The following PTPRN2 variants were observed in gnomAD, a reference collection of about 807,000 sequenced individuals.
The protein encoded by PTPRN2 is protein tyrosine phosphatase receptor type N2.
In PTPRN2, 74 loss-of-function variants were observed where a neutral mutation model predicts 118.8. The observed-to-expected ratio is 0.62, with a 90% confidence interval of 0.52 to 0.76. The LOEUF is 0.76. PTPRN2 is among the 30% of genes least tolerant of loss of function. The probability of loss-of-function intolerance (pLI) is 0.00; values close to 1 mark genes in which losing one functional copy is unlikely to be tolerated. For missense variants in PTPRN2, 1,481 were observed against 1,394.4 expected (o/e 1.06, Z -0.99); for synonymous variants, 641 against 608.0 (o/e 1.05, Z -0.80).
intron 12 of PTPRN2, among the ~76,000 whole-genome samples, chr7:157,695,383 A>G (rs558697950): frequency 1.3e-5 from 2 of 152,120 alleles, no homozygotes; most frequent in African/African-American, 4.8e-5. Context: ...TAAGACAGTA[A>G]TTTATAATTT....
chr7:158,561,326 C>T (rs996045311), intron 1 of PTPRN2, among the ~76,000 whole-genome samples: 9 of 152,056 alleles, frequency 5.9e-5, no homozygotes, highest in East Asian at 3.9e-4. Flanking sequence ...AAGAGATAAA[C>T]CCCTGCCTGA....
chr7:158,349,924 A>C lies in PTPRN2; in HGVS notation c.164-32992T>G, dbSNP rs1807801578. Among the ~76,000 whole-genome samples, 4 of 152,086 alleles carry C rather than the reference A, an allele frequency of 2.6e-5. No individual in the cohort carries two copies. The South Asian group carries it at 6.2e-4, about 24-fold the overall frequency. ...GGGCCCCCCGGGCCACATGAGGCCC[A>C]CCCCCTTCCTGATGTCCAAGAACAA... On this transcript the variant is annotated intron_variant, in intron 2 of 22. Coordinates refer to ENST00000389418, the MANE Select transcript of PTPRN2 (RefSeq NM_002847.5).
intron 12 of PTPRN2, among the ~76,000 whole-genome samples, chr7:157,720,617 T>C (rs538072695): frequency 9.8e-5 from 15 of 152,372 alleles, no homozygotes; most frequent in Non-Finnish European, 2.9e-5. Context: ...ACGTGAATCA[T>C]GTGGCTTCCA....
intron 2 of PTPRN2, among the ~76,000 whole-genome samples, chr7:158,437,421 G>A (rs1816645979): frequency 6.6e-6 from 1 of 152,216 alleles, no homozygotes; most frequent in Admixed American, 6.5e-5. Flanking sequence ...GTTGTCATCT[G>A]TTTTTGTGTC....
rs144370539 is a variant in PTPRN2, at chr7:158,214,397, TACACACACACACAC to T, written c.278-9138_278-9125del. 8.8e-3 allele frequency among the ~76,000 whole-genome samples: 1,287 copies of T among 145,864 alleles called. 14 individuals carry two copies. Among genetic ancestry groups the T allele is most frequent in the African/African-American group, 0.031 (1,217 of 39,420 alleles). On this transcript the variant is annotated intron_variant, in intron 3 of 22. Coordinates refer to ENST00000389418, the MANE Select transcript of PTPRN2 (RefSeq NM_002847.5). Reference sequence around the variant, plus strand: ...GCCGCAATCCGGAAACACCAGCGTGTACACACACACACACACACACACACACACACACACAACTA... The same window carrying T: ...GCCGCAATCCGGAAACACCAGCGTGTACACACACACACACACACACAACTA...
intron 2 of PTPRN2, among the ~76,000 whole-genome samples, chr7:158,413,592 G>C (rs541306515): frequency 6.6e-6 from 1 of 152,230 alleles, no homozygotes; most frequent in African/African-American, 2.4e-5. Flanking sequence ...AGGCCTGAAC[G>C]GGAAAGCCCC....
chr7:157,731,996 C>T (rs112562523), intron 12 of PTPRN2, among the ~76,000 whole-genome samples: 1 of 82,594 alleles, frequency 1.2e-5, no homozygotes, highest in African/African-American at 4.9e-5. Flanking sequence ...GCACAGTTAC[C>T]CTTTCCCGTC....
chr7:157,959,153 G>C (rs762935624), intron 11 of PTPRN2, among the ~76,000 whole-genome samples: 4 of 152,200 alleles, frequency 2.6e-5, no homozygotes, highest in Admixed American at 1.3e-4. Flanking sequence ...TCAACAAATG[G>C]TTCTCAGACA....
chr7:158,154,333 T>C (rs1001447244), intron 6 of PTPRN2, among the ~76,000 whole-genome samples: 1 of 152,274 alleles, frequency 6.6e-6, no homozygotes, highest in South Asian at 2.1e-4. Flanking sequence ...AATCAATAAC[T>C]CCCACTCGAA....
At chr7:158,571,521 A>ATT (rs1563446712) in intron 1 of PTPRN2, among the ~76,000 whole-genome samples, 2 of 119,700 alleles carry the variant, frequency 1.7e-5, no homozygotes, top group East Asian at 2.7e-4. Flanking sequence ...ACACACACCT[A>ATT]TTTCTTTTTT....
intron 11 of PTPRN2, among the ~76,000 whole-genome samples, chr7:158,075,586 TC>T (rs1349808497): frequency 3.3e-5 from 5 of 152,180 alleles, no homozygotes; most frequent in African/African-American, 4.8e-5. Flanking sequence ...GGCCCACGCT[TC>T]CCACGCCGCG....
intron 2 of PTPRN2, among the ~76,000 whole-genome samples, chr7:158,342,347 G>A (rs1318473858): frequency 1.4e-5 from 2 of 143,834 alleles, no homozygotes; most frequent in East Asian, 4.2e-4. Context: ...GACACCTGCA[G>A]ACGTCACTCA....
rs1452248824 is a variant in PTPRN2, at chr7:158,085,047, ACCCATCCACACCCATGACG to A, written c.1644-3689_1644-3671del. Among the ~76,000 whole-genome samples, 337 of 86,514 alleles carry A rather than the reference ACCCATCCACACCCATGACG, an allele frequency of 3.9e-3. 2 individuals are homozygous for A. Among genetic ancestry groups the A allele is most frequent in the Non-Finnish European group, 5.9e-3 (265 of 45,022 alleles). 56.8% of individuals were successfully genotyped at this position (86,514 alleles called of 152,430 possible). A position where few individuals can be genotyped will look rare whatever the true frequency, so the allele number is the denominator to read the frequency against. Reference sequence around the variant, plus strand: ...CACGACGCCCATCCACACCCACGACACCCATCCACACCCATGACGCCCATCCACACAGATGCCCATCCAC... The same window carrying A: ...CACGACGCCCATCCACACCCACGACACCCATCCACACAGATGCCCATCCAC... On this transcript the variant is annotated intron_variant, in intron 10 of 22. Transcript: ENST00000389418.
At chr7:158,456,660 CTCCA>C (rs1375630140) in intron 2 of PTPRN2, among the ~76,000 whole-genome samples, 1 of 152,270 alleles carries the variant, frequency 6.6e-6, no homozygotes, top group Admixed American at 6.5e-5. Flanking sequence ...TCATGTTTCA[CTCCA>C]TCCGTCTCCC....
At chr7:158,203,513 C>A (rs1228610017) in intron 4 of PTPRN2, among the ~76,000 whole-genome samples, 4 of 152,098 alleles carry the variant, frequency 2.6e-5, no homozygotes, top group Non-Finnish European at 5.9e-5. Flanking sequence ...TTTGATTTCT[C>A]AGAGGCAGGT....
chr7:157,882,166 A>G (rs1320020626), intron 12 of PTPRN2, among the ~76,000 whole-genome samples: 1 of 151,700 alleles, frequency 6.6e-6, no homozygotes, highest in African/African-American at 2.4e-5. Flanking sequence ...CACCCCAAAA[A>G]TGACTGTCAA....
At chr7:157,871,964 TTCCCCACACACACATACCCAGTGTCC>T (rs1811078314) in intron 12 of PTPRN2, among the ~76,000 whole-genome samples, 14 of 76,898 alleles carry the variant, frequency 1.8e-4, no homozygotes, top group East Asian at 1.8e-3. Flanking sequence ...TACCCAGCGC[TTCCCCACACACACATACCCAGTGTCC>T]TCCCCACACA....
rs989526463 is a variant in PTPRN2, at chr7:157,800,272, G to A, written c.1788+98401C>T. 4.6e-5 allele frequency among the ~76,000 whole-genome samples: 7 copies of A among 152,186 alleles called. No homozygotes were observed. The East Asian group carries it at 1.4e-3, about 30-fold the overall frequency. ...AGGCTGGGCTTCTTCTCGTCCTAAC[G>A]CTCAGAGGCCTCTGCTTAGCCCCAC... On this transcript the variant is annotated intron_variant, in intron 12 of 22. Coordinates refer to ENST00000389418, the MANE Select transcript of PTPRN2 (RefSeq NM_002847.5).
At chr7:157,872,157 C>T (rs1281113541) in intron 12 of PTPRN2, among the ~76,000 whole-genome samples, 13 of 123,820 alleles carry the variant, frequency 1.0e-4, no homozygotes, top group East Asian at 6.9e-4. Context: ...ACATACACAG[C>T]GCCTCCCCAC....
Sources: gnomAD v4.1 joint callset for allele counts (sites outside exome capture counted in the v4.1 genomes callset) on GRCh38, gnomAD v4.1.1 for gene constraint, MANE v1.5 for transcripts, NCBI Gene and HGNC (gene_info 2026-07-23, HGNC 2026-07-21) for gene names.